FMN1: variants seen among roughly 807,000 people sequenced by gnomAD.
FMN1 encodes formin-1.
Under a neutral mutation model 132.4 loss-of-function variants are expected in FMN1, and 110 were observed. The ratio of observed to expected loss-of-function variants is 0.83; its 90% CI spans 0.71 to 0.97. The LOEUF (loss-of-function observed/expected upper bound fraction) is 0.97. FMN1 is among the 50% of genes least tolerant of loss of function. The probability of loss-of-function intolerance (pLI) is 0.00; values close to 1 mark genes in which losing one functional copy is unlikely to be tolerated. For missense variants in FMN1, 1,792 were observed against 1,705.3 expected (o/e 1.05, Z -0.90); for synonymous variants, 722 against 651.7 (o/e 1.11, Z -1.64).
intron 19 of FMN1, among the ~76,000 whole-genome samples, chr15:32,777,784 C>CATTT (rs1237172947): frequency 8.4e-6 from 1 of 119,482 alleles, no homozygotes; most frequent in African/African-American, 3.4e-5. Flanking sequence ...ATGTATAATA[C>CATTT]ATTTATATAT....
intron 3 of FMN1, among the ~76,000 whole-genome samples, chr15:33,167,172 C>T (rs960529688): frequency 6.6e-6 from 1 of 152,126 alleles, no homozygotes; most frequent in Non-Finnish European, 1.5e-5. Flanking sequence ...TTGTAATAAT[C>T]CCCACGTGTC....
intron 4 of FMN1, among the ~76,000 whole-genome samples, chr15:33,110,041 A>G (rs2039639259): frequency 6.6e-6 from 1 of 152,062 alleles, no homozygotes; most frequent in African/African-American, 2.4e-5. Flanking sequence ...CTTCAGGCAA[A>G]AAGTATATTG....
chr15:32,850,328 T>C (rs1313358648), intron 17 of FMN1, among the ~76,000 whole-genome samples: 1 of 152,232 alleles, frequency 6.6e-6, no homozygotes, highest in African/African-American at 2.4e-5. Flanking sequence ...CCTGCTCTTA[T>C]TTTGCAACTT....
rs574802945 is a variant in FMN1, at chr15:33,073,396, G to A, written c.2044-8322C>T. On this transcript the variant is annotated intron_variant, in intron 5 of 20. Transcript: ENST00000616417. ...AAAGTAGAAAGTGTAGTTAAACTTA[G>A]TAAGGGTAAATAAGAGTGAGGAAAC... 2.6e-5 allele frequency among the ~76,000 whole-genome samples: 4 copies of A among 152,278 alleles called. No homozygotes were observed. In the East Asian group the frequency reaches 7.7e-4, roughly 29 times the overall value.
At chr15:33,026,217 G>C (rs2035662286) in intron 6 of FMN1, among the ~76,000 whole-genome samples, 1 of 151,062 alleles carries the variant, frequency 6.6e-6, no homozygotes, top group Non-Finnish European at 1.5e-5. Flanking sequence ...CATCTCTGGG[G>C]AAAGAGGCAG....
intron 9 of FMN1, among the ~76,000 whole-genome samples, chr15:32,951,040 A>C (rs2061640230): frequency 6.6e-6 from 1 of 152,050 alleles, no homozygotes; most frequent in South Asian, 2.1e-4. Context: ...CATTATGTTG[A>C]TAAAATTTAA....
chr15:32,954,015 T>G (rs1307181872), intron 9 of FMN1, among the ~76,000 whole-genome samples: 1 of 152,202 alleles, frequency 6.6e-6, no homozygotes, highest in African/African-American at 2.4e-5. Context: ...AAATTTTCAC[T>G]CCAGATGCCA....
At chr15:33,101,868 A>AC (rs1178735832) in intron 4 of FMN1, among the ~76,000 whole-genome samples, 1 of 151,814 alleles carries the variant, frequency 6.6e-6, no homozygotes, top group African/African-American at 2.4e-5. Flanking sequence ...CCCATCTATA[A>AC]CCCCACATAG....
chr15:33,066,842 A>G (rs2037753324), intron 5 of FMN1: 3 of 1,613,880 alleles, frequency 1.9e-6, no homozygotes. Context: ...AATGTTGAGC[A>G]GCAGAGAGAG....
chr15:32,834,083 A>G (rs1258768), intron 17 of FMN1, among the ~76,000 whole-genome samples: 150,183 of 152,326 alleles, frequency 0.99, 74,068 homozygotes, highest in Non-Finnish European at 1. Flanking sequence ...TCACCAACTC[A>G]GGTTAGTTGA....
chr15:32,830,942 T>C (rs59044286), intron 17 of FMN1, among the ~76,000 whole-genome samples: 33,850 of 151,876 alleles, frequency 0.22, 4,170 homozygotes, highest in East Asian at 0.51. Flanking sequence ...TCTAGTGGTT[T>C]GTATCCTCCA....
chr15:32,902,093 A>G lies in FMN1; in HGVS notation c.3378-53T>C. The G allele has an allele frequency of 2.0e-6, 3 of 1,527,386 alleles. No homozygotes were observed. In the South Asian group the frequency reaches 3.7e-5, roughly 19 times the overall value. The allele number at this position is 1,527,386 out of a possible 1,614,324, so 94.6% of individuals were successfully genotyped here. ...CTTCACATATAATCACAAGGAAAAT[A>G]AAAAGACAGCTGAAAAAGACCCACT... On this transcript the variant is annotated intron_variant, in intron 12 of 20. Coordinates refer to ENST00000616417, the MANE Select transcript of FMN1 (RefSeq NM_001277313.2).
rs1189413781 is a variant in FMN1 at position 32,870,676 on chromosome 15, G to A, written c.3836-13569C>T. On this transcript the variant is annotated intron_variant, in intron 16 of 20. Coordinates refer to ENST00000616417, the MANE Select transcript of FMN1 (RefSeq NM_001277313.2). ...GGTTACGGACGCAGCCTCGGTCTGCGAGACATTAGCATGAAACATATTCAT... is the reference window on the plus strand; with the variant it reads ...GGTTACGGACGCAGCCTCGGTCTGCAAGACATTAGCATGAAACATATTCAT... Among the ~76,000 whole-genome samples the A allele has an allele frequency of 3.9e-5, 6 of 152,288 alleles. No homozygotes were observed. In the East Asian group the frequency reaches 9.6e-4, roughly 24 times the overall value.
intron 9 of FMN1, among the ~76,000 whole-genome samples, chr15:32,958,738 G>A (rs974996550): frequency 2.6e-5 from 4 of 152,102 alleles, no homozygotes; most frequent in South Asian, 2.1e-4. Context: ...ATGAAGACCA[G>A]CTCTATTTAA....
At chr15:32,914,975 T>C (rs922252505) in intron 10 of FMN1, among the ~76,000 whole-genome samples, 1 of 152,246 alleles carries the variant, frequency 6.6e-6, no homozygotes, top group African/African-American at 2.4e-5. Flanking sequence ...AGTATTCCAC[T>C]GAAGTTTCTC....
chr15:32,990,357 G>A (rs953978895), intron 7 of FMN1, among the ~76,000 whole-genome samples: 25 of 152,136 alleles, frequency 1.6e-4, no homozygotes, highest in Admixed American at 1.2e-3. Context: ...CAGATGTTGA[G>A]GGAGGAGTTC....
chr15:32,921,207 C>G (rs893778185), intron 10 of FMN1, among the ~76,000 whole-genome samples: 2 of 152,022 alleles, frequency 1.3e-5, no homozygotes, highest in Non-Finnish European at 2.9e-5. Flanking sequence ...TAAGCTGAAA[C>G]CTAAAGAAAA....
intron 6 of FMN1, among the ~76,000 whole-genome samples, chr15:33,043,826 TG>T (rs2036554061): frequency 6.6e-6 from 1 of 152,192 alleles, no homozygotes; most frequent in Non-Finnish European, 1.5e-5. Context: ...TGCCCAGCCA[TG>T]GCTGTGGAAC....
At chr15:32,994,059 T>G (rs2033612182) in intron 7 of FMN1, among the ~76,000 whole-genome samples, 1 of 152,116 alleles carries the variant, frequency 6.6e-6, no homozygotes, top group Non-Finnish European at 1.5e-5. Flanking sequence ...CCTCTTGCCT[T>G]TCTCCACCGC....
Sources: gnomAD v4.1 joint callset for allele counts (sites outside exome capture counted in the v4.1 genomes callset) on GRCh38, gnomAD v4.1.1 for gene constraint, MANE v1.5 for transcripts, NCBI Gene and HGNC (gene_info 2026-07-23, HGNC 2026-07-21) for gene names.